CASK: variants seen among roughly 807,000 people sequenced by gnomAD.
CASK encodes calcium/calmodulin dependent serine protein kinase.
Under a neutral mutation model 82.9 loss-of-function variants are expected in CASK, and 4 were observed. The observed-to-expected ratio is 0.05, with a 90% CI of 0.02 to 0.11. The LOEUF (loss-of-function observed/expected upper bound fraction) is 0.11, where lower values mean the gene tolerates loss of function less well. Among genes scored for constraint, CASK ranks in the 10% least tolerant of loss-of-function variants. CASK has a pLI of 1.00. For missense variants in CASK, 358 were observed against 720.9 expected, an observed-to-expected ratio of 0.50 and a Z score of 5.76; for synonymous variants, 259 against 253.5, an observed-to-expected ratio of 1.02 and a Z score of -0.20.
Position 41,538,394 on chromosome X carries a change from C to A in CASK, c.2156-3421G>T, listed in dbSNP as rs149310676. Among the ~76,000 whole-genome samples the A allele has an allele frequency of 4.4e-3, 495 of 111,643 alleles. 4 individuals carry two copies. Among genetic ancestry groups the A allele is most frequent in the African/African-American group, 0.015 (475 of 30,723 alleles). On this transcript the variant is annotated intron_variant, in intron 22 of 26. Coordinates refer to ENST00000378163, the MANE Select transcript of CASK (RefSeq NM_001367721.1). ...AAACCAAATTAATGAAGACTTCCTACATTTTTAAAAAGTTTACACTAGTAA... is the reference window on the plus strand; with the variant it reads ...AAACCAAATTAATGAAGACTTCCTAAATTTTTAAAAAGTTTACACTAGTAA...
At chrX:41,567,445 T>C (rs2065336581) in intron 16 of CASK, among the ~76,000 whole-genome samples, 1 of 112,385 alleles carries the variant, frequency 8.9e-6, no homozygotes, top group Non-Finnish European at 1.9e-5. Context: ...AACAGATATT[T>C]CTCAAAAGAA....
chrX:41,661,735 T>G (rs190840139), intron 7 of CASK, among the ~76,000 whole-genome samples: 40 of 108,898 alleles, frequency 3.7e-4, no homozygotes, highest in African/African-American at 1.3e-3. Context: ...CAAATCCCAT[T>G]AAGACTAATG....
At chrX:41,743,441 A>T (rs961757033) in intron 4 of CASK, 2 of 266,657 alleles carry the variant, frequency 7.5e-6, no homozygotes, top group Non-Finnish European at 1.3e-5. Context: ...CACAAAAGAA[A>T]AGAGAATATT....
chrX:41,555,572 G>T, intron 20 of CASK, 28 bp downstream of exon 20: 3 of 1,137,470 alleles, frequency 2.6e-6, no homozygotes, highest in Non-Finnish European at 3.6e-6. Context: ...TCAGTTTAGA[G>T]AAGTTTCTAT....
intron 12 of CASK, among the ~76,000 whole-genome samples, chrX:41,604,256 A>T (rs2065930462): frequency 9.5e-6 from 1 of 104,872 alleles, no homozygotes; most frequent in Non-Finnish European, 1.9e-5. Context: ...ATTTATGTTT[A>T]CCCAGAACCT....
rs1182368165 is a variant in CASK at position 41,611,103 on chromosome X, A to G, written c.1034-1078T>C. Among the ~76,000 whole-genome samples the G allele has an allele frequency of 2.7e-5, 3 of 111,808 alleles. No homozygotes were observed. In the East Asian group the frequency reaches 8.5e-4, roughly 32 times the overall value. On this transcript the variant is annotated intron_variant, in intron 11 of 26. Transcript: ENST00000378163. ...GGGCAGCTATTGCTATCTAGTGGGTAGAGGTCAGGGATGCTGCTAAACATC... is the reference window on the plus strand; with the variant it reads ...GGGCAGCTATTGCTATCTAGTGGGTGGAGGTCAGGGATGCTGCTAAACATC...
At chrX:41,820,310 T>A (rs2070506066) in intron 2 of CASK, among the ~76,000 whole-genome samples, 1 of 110,977 alleles carries the variant, frequency 9.0e-6, no homozygotes, top group Non-Finnish European at 1.9e-5. Context: ...ATAAGTAAAT[T>A]TAGCAAGGTT....
Position 41,810,260 on chromosome X carries a change from G to A in CASK, c.173-22977C>T, listed in dbSNP as rs940160638. On this transcript the variant is annotated intron_variant, in intron 2 of 26. Transcript: ENST00000378163. ...AGACCACCACAAAGATACTCCTCGC[G>A]AAGAGCAACTCCAAGATACATAACT... Among the ~76,000 whole-genome samples, 5 of 111,628 alleles carry A rather than the reference G, an allele frequency of 4.5e-5. No individual in the cohort carries two copies. In the East Asian group the frequency reaches 1.1e-3, roughly 25 times the overall value.
At chrX:41,755,945 A>G (rs1476359283) in intron 3 of CASK, among the ~76,000 whole-genome samples, 1 of 112,323 alleles carries the variant, frequency 8.9e-6, no homozygotes, top group Non-Finnish European at 1.9e-5. Context: ...TCAATATTGT[A>G]AACAGCCGAT....
At chrX:41,631,707 G>A (rs1455504380) in intron 9 of CASK, among the ~76,000 whole-genome samples, 1 of 110,112 alleles carries the variant, frequency 9.1e-6, no homozygotes, top group Non-Finnish European at 1.9e-5. Context: ...CTGACCTCAG[G>A]TGATCCGCCC....
intron 3 of CASK, among the ~76,000 whole-genome samples, chrX:41,772,836 C>T (rs5964044): frequency 0.16 from 17,790 of 110,128 alleles, 1,431 homozygotes; most frequent in Middle Eastern, 0.31. Context: ...CCTGTCTCTA[C>T]TAAAAATACA....
intron 2 of CASK, among the ~76,000 whole-genome samples, chrX:41,821,870 G>A (rs1242636395): frequency 9.0e-6 from 1 of 111,727 alleles, no homozygotes; most frequent in Non-Finnish European, 1.9e-5. Context: ...AAGTTCCCAG[G>A]TAAAGTCTCT....
At chrX:41,567,579 T>A (rs780003139) in intron 16 of CASK, among the ~76,000 whole-genome samples, 1 of 111,921 alleles carries the variant, frequency 8.9e-6, no homozygotes, top group South Asian at 3.7e-4. Context: ...CATTAAAATG[T>A]CAGGAAACAA....
chrX:41,842,227 A>G (rs1343296097), intron 2 of CASK, among the ~76,000 whole-genome samples: 1 of 111,888 alleles, frequency 8.9e-6, no homozygotes, highest in Non-Finnish European at 1.9e-5. Flanking sequence ...TCATCAATCT[A>G]TATGTCTATC....
At chrX:41,816,862 G>A (rs780232481) in intron 2 of CASK, among the ~76,000 whole-genome samples, 6 of 111,057 alleles carry the variant, frequency 5.4e-5, no homozygotes, top group Admixed American at 1.9e-4. Flanking sequence ...GTTAAAAATC[G>A]TCCTTCAAAG....
At chrX:41,595,394 AG>A (rs2065806080) in intron 12 of CASK, among the ~76,000 whole-genome samples, 1 of 111,115 alleles carries the variant, frequency 9.0e-6, no homozygotes, top group South Asian at 3.8e-4. Flanking sequence ...ACTTAAGCCC[AG>A]GAATTCAAGA....
intron 2 of CASK, among the ~76,000 whole-genome samples, chrX:41,824,693 C>T (rs1352027061): frequency 9.0e-6 from 1 of 111,697 alleles, no homozygotes; most frequent in Non-Finnish European, 1.9e-5. Flanking sequence ...CTAAGGATGG[C>T]TTCCCCTGGA....
At chrX:41,839,560 T>C (rs2070994230) in intron 2 of CASK, among the ~76,000 whole-genome samples, 2 of 107,693 alleles carry the variant, frequency 1.9e-5, no homozygotes, top group South Asian at 8.5e-4. Flanking sequence ...TTCCTTTTAA[T>C]TTTTCTGCGT....
intron 3 of CASK, among the ~76,000 whole-genome samples, chrX:41,765,269 A>C (rs1265989832): frequency 8.9e-6 from 1 of 112,173 alleles, no homozygotes; most frequent in Non-Finnish European, 1.9e-5. Flanking sequence ...ATATGAGTAC[A>C]GTTTTTTAAT....
Sources: gnomAD v4.1 joint callset for allele counts (sites outside exome capture counted in the v4.1 genomes callset) on GRCh38, gnomAD v4.1.1 for gene constraint, MANE v1.5 for transcripts, NCBI Gene and HGNC (gene_info 2026-07-23, HGNC 2026-07-21) for gene names.